Variants in SLC26A7 observed in about 807,000 individuals in gnomAD.
SLC26A7 encodes the protein anion exchange transporter.
In SLC26A7, 59 loss-of-function variants were observed where a neutral mutation model predicts 82.5. The ratio of observed to expected loss-of-function variants is 0.72; its 90% CI spans 0.58 to 0.89. The LOEUF is 0.89. SLC26A7 is among the 40% of genes least tolerant of loss of function. SLC26A7 has a pLI of 0.00. For synonymous variants in SLC26A7, 271 were observed against 274.3 expected, an observed-to-expected ratio of 0.99 and a Z score of 0.12; for missense variants, 820 against 793.0, an observed-to-expected ratio of 1.03 and a Z score of -0.41.
At chr8:91,221,433 A>G (rs1218130739) in intron 2 of SLC26A7, among the ~76,000 whole-genome samples, 1 of 152,164 alleles carries the variant, frequency 6.6e-6, no homozygotes, top group African/African-American at 2.4e-5. Flanking sequence ...TCATTTTGTC[A>G]TGAAATCTTT....
intron 4 of SLC26A7, among the ~76,000 whole-genome samples, chr8:91,304,787 A>C (rs1812258691): frequency 6.6e-6 from 1 of 152,190 alleles, no homozygotes; most frequent in African/African-American, 2.4e-5. Flanking sequence ...CATTAATAAT[A>C]GTGGCAGCAT....
At chr8:91,390,171 C>A (rs561463648) in intron 16 of SLC26A7, among the ~76,000 whole-genome samples, 1 of 148,962 alleles carries the variant, frequency 6.7e-6, no homozygotes. Flanking sequence ...AGTGCAGTGG[C>A]GCGATCTCGG....
chr8:91,225,192 G>T (rs993844873), intron 2 of SLC26A7, among the ~76,000 whole-genome samples: 1 of 152,198 alleles, frequency 6.6e-6, no homozygotes. Context: ...GTGGCAGCAG[G>T]TGCTGGTTGC....
rs1386380375 is a variant in SLC26A7 at position 91,234,827 on chromosome 8, A to ACCTCCTTCCTTCCTTCCTTCCTTC, written c.-33-14791_-33-14790insCTCCTTCCTTCCTTCCTTCCTTCC. ...TACCTACCTACCTACCTACCTACCT[A>ACCTCCTTCCTTCCTTCCTTCCTTC]CTTCCTTCCTTCCTTCCTTCCTTCC... On this transcript the variant is annotated intron_variant, in intron 2 of 5. Coordinates refer to the SLC26A7 transcript ENST00000522862. Among the ~76,000 whole-genome samples the ACCTCCTTCCTTCCTTCCTTCCTTC allele has an allele frequency of 1.3e-4, 12 of 92,544 alleles. No homozygotes were observed. The East Asian group carries it at 2.8e-3, about 21-fold the overall frequency. The allele number at this position is 92,544 out of a possible 152,430, so 60.7% of individuals were successfully genotyped here. A position where few individuals can be genotyped will look rare whatever the true frequency, so the allele number is the denominator to read the frequency against.
chr8:91,329,141 T>C (rs1376992201), intron 5 of SLC26A7, among the ~76,000 whole-genome samples: 1 of 152,208 alleles, frequency 6.6e-6, no homozygotes, highest in Non-Finnish European at 1.5e-5. Context: ...TAGTGCATGA[T>C]AGTGTATTCA....
intron 8 of SLC26A7, 143 bp downstream of exon 8, chr8:91,340,694 A>G: frequency 1.0e-6 from 1 of 957,220 alleles, no homozygotes; most frequent in East Asian, 2.7e-5. Context: ...AAAGAAAAAT[A>G]TCAAAATCAT....
chr8:91,344,401 T>C (rs1813504348), intron 9 of SLC26A7, among the ~76,000 whole-genome samples: 1 of 152,158 alleles, frequency 6.6e-6, no homozygotes, highest in South Asian at 2.1e-4. Flanking sequence ...AAACCATTAT[T>C]CAAACAATTT....
At position 91,352,961 on chromosome 8, in the gene SLC26A7, T is replaced by G; in HGVS notation, c.1279T>G (p.Leu427Val). 6.2e-7 allele frequency: 1 copy of G among 1,609,130 alleles called. No homozygotes were observed. Among genetic ancestry groups the G allele is most frequent in the Non-Finnish European group, 8.5e-7 (1 of 1,177,510 alleles). Residue 427 changes from leucine to valine, a missense_variant, in exon 11 of 19, where the codon TTA becomes GTA. Leu to Val is a conservative substitution (Grantham distance 32). Coordinates refer to ENST00000276609, the MANE Select transcript of SLC26A7 (RefSeq NM_052832.4). Reference sequence around the variant, plus strand: ...GGGAATGCTAATACAGTTCCGAGATTTAAAAAAATATTGGAATGTGGATAA... The same window carrying G: ...GGGAATGCTAATACAGTTCCGAGATGTAAAAAAATATTGGAATGTGGATAA... The part of the protein sequence containing the change: ...LKGMLIQFRD[L>V]KKYWNVDKID...
At chr8:91,234,775 CCT>C (rs1810362939) in intron 2 of SLC26A7, among the ~76,000 whole-genome samples, 14 of 145,606 alleles carry the variant, frequency 9.6e-5, no homozygotes, top group Admixed American at 2.8e-4. Flanking sequence ...TTCCTTCCTT[CCT>C]TCCTTCCCTC....
At chr8:91,287,933 T>A (rs1182520213) in intron 2 of SLC26A7, among the ~76,000 whole-genome samples, 1 of 152,142 alleles carries the variant, frequency 6.6e-6, no homozygotes, top group Non-Finnish European at 1.5e-5. Context: ...CTATAATCAC[T>A]TTTATCGTAT....
intron 16 of SLC26A7, among the ~76,000 whole-genome samples, chr8:91,390,961 G>C (rs1395033291): frequency 1.3e-5 from 2 of 152,172 alleles, no homozygotes; most frequent in African/African-American, 4.8e-5. Context: ...TGGAGGAGGG[G>C]ATAGTCTTGT....
intron 15 of SLC26A7, among the ~76,000 whole-genome samples, chr8:91,384,035 G>A (rs185898727): frequency 5.4e-4 from 82 of 152,232 alleles, no homozygotes; most frequent in African/African-American, 1.8e-3. Context: ...AAACAATGCA[G>A]GTATATTAGT....
intron 4 of SLC26A7, among the ~76,000 whole-genome samples, chr8:91,309,634 A>G (rs1352472125): frequency 6.6e-6 from 1 of 152,080 alleles, no homozygotes. Context: ...TGCATAAGGC[A>G]GAAGGAGAGA....
At chr8:91,289,018 C>A (rs754817554) in intron 2 of SLC26A7, 118 bp from the exon 3 acceptor site, 2 of 657,974 alleles carry the variant, frequency 3.0e-6, no homozygotes, top group Non-Finnish European at 5.4e-6. Context: ...TCTTGTTGAG[C>A]AAGTAGAATA....
chr8:91,290,131 A>G (rs893802520), intron 3 of SLC26A7, among the ~76,000 whole-genome samples: 7 of 152,226 alleles, frequency 4.6e-5, no homozygotes, highest in African/African-American at 1.7e-4. Context: ...CTTAGTCTTA[A>G]CTATTAAGGA....
At chr8:91,340,710 G>A (rs1813385700) in intron 8 of SLC26A7, 159 bp downstream of exon 8, 6 of 842,190 alleles carry the variant, frequency 7.1e-6, no homozygotes, top group Non-Finnish European at 1.1e-5. Flanking sequence ...ATCATTCATA[G>A]GAAGCTAAAA....
At chr8:91,223,724 T>C (rs1055702587) in intron 2 of SLC26A7, among the ~76,000 whole-genome samples, 5 of 152,198 alleles carry the variant, frequency 3.3e-5, no homozygotes, top group African/African-American at 4.8e-5. Flanking sequence ...TTGGCCTGTC[T>C]TGCTAGGTTG....
chr8:91,249,534 G>T lies in SLC26A7; in HGVS notation c.-113-5G>T. On this transcript the variant is annotated splice_region_variant and splice_polypyrimidine_tract_variant and intron_variant, in intron 1 of 18. Coordinates refer to ENST00000276609, the MANE Select transcript of SLC26A7 (RefSeq NM_052832.4). ...CTCTCTTTTATTTACTTATTTTCTG[G>T]GCAGCTTTGACATTGTAAACCACAG... 6.2e-6 allele frequency: 4 copies of T among 642,668 alleles called. No homozygotes were observed. The highest frequency in any genetic ancestry group is 9.5e-6 in the Non-Finnish European group (4 of 421,622). 39.8% of individuals were successfully genotyped at this position (642,668 alleles called of 1,614,324 possible).
Position 91,325,688 on chromosome 8 carries a change from T to C in SLC26A7, c.642+7308T>C, listed in dbSNP as rs1048358678. On this transcript the variant is annotated intron_variant, in intron 5 of 18. Transcript: ENST00000276609. ...AAATCTAAGACTTCATGCTCTGTAA[T>C]AGTCTCCTCTTCAAAGAGGTAGCAT... 5.4e-4 allele frequency among the ~76,000 whole-genome samples: 82 copies of C among 152,284 alleles called. 1 individual carries two copies. Among genetic ancestry groups the C allele is most frequent in the South Asian group, 2.1e-3 (10 of 4,822 alleles).
Sources: gnomAD v4.1 joint callset for allele counts (sites outside exome capture counted in the v4.1 genomes callset) on GRCh38, gnomAD v4.1.1 for gene constraint, MANE v1.5 for transcripts, NCBI Gene and HGNC (gene_info 2026-07-23, HGNC 2026-07-21) for gene names.